MCTP1: variants seen among roughly 807,000 people sequenced by gnomAD.
The protein encoded by MCTP1 is multiple C2 and transmembrane domain-containing protein 1.
MCTP1 carries 69 observed loss-of-function variants against 120.6 expected under a neutral mutation model. The observed-to-expected ratio is 0.57, with a 90% CI of 0.47 to 0.70. The LOEUF is 0.70. Among genes scored for constraint, MCTP1 ranks in the 30% least tolerant of loss-of-function variants. MCTP1 has a pLI of 0.00. For missense variants in MCTP1, 1,203 were observed against 1,248.8 expected, an observed-to-expected ratio of 0.96 and a Z score of 0.55; for synonymous variants, 529 against 493.1, an observed-to-expected ratio of 1.07 and a Z score of -0.96.
intron 1 of MCTP1, among the ~76,000 whole-genome samples, chr5:95,165,390 C>T (rs73779237): frequency 2.1e-3 from 317 of 152,144 alleles, no homozygotes; most frequent in African/African-American, 7.2e-3. Context: ...ATATTTAGTA[C>T]GCAGTAGAAA....
intron 1 of MCTP1, among the ~76,000 whole-genome samples, chr5:95,020,025 C>G (rs1562027828): frequency 6.6e-6 from 1 of 151,954 alleles, no homozygotes; most frequent in Non-Finnish European, 1.5e-5. Context: ...TCCAAATAAA[C>G]AAATCTATTC....
chr5:95,262,362 A>G (rs1220590456), intron 1 of MCTP1, among the ~76,000 whole-genome samples: 1 of 152,230 alleles, frequency 6.6e-6, no homozygotes, highest in African/African-American at 2.4e-5. Flanking sequence ...CTCCAAGCAC[A>G]GTAACTCCCA....
At chr5:94,743,631 A>ATTTTTTTTTTTTTTTTTTTTTTTT (rs34620641) in intron 19 of MCTP1, among the ~76,000 whole-genome samples, 1 of 86,664 alleles carries the variant, frequency 1.2e-5, no homozygotes, top group African/African-American at 4.9e-5. Context: ...CAAAATCCAC[A>ATTTTTTTTTTTTTTTTTTTTTTTT]TTTTTTTTTT....
At chr5:94,724,181 C>T (rs548463430) in intron 19 of MCTP1, among the ~76,000 whole-genome samples, 1 of 152,260 alleles carries the variant, frequency 6.6e-6, no homozygotes, top group East Asian at 1.9e-4. Flanking sequence ...TTACAGCAAG[C>T]ATCCAGCAAT....
chr5:94,733,494 G>A (rs1184414951), intron 19 of MCTP1, among the ~76,000 whole-genome samples: 2 of 152,178 alleles, frequency 1.3e-5, no homozygotes, highest in Non-Finnish European at 1.5e-5. Flanking sequence ...TGTTAGGATG[G>A]TCACAAGTAA....
chr5:95,121,488 A>C (rs980375364), intron 1 of MCTP1, among the ~76,000 whole-genome samples: 40 of 152,036 alleles, frequency 2.6e-4, no homozygotes, highest in Non-Finnish European at 1.5e-5. Context: ...ACAGAATGCA[A>C]GAAAGAAAAG....
At chr5:95,123,238 A>G (rs917667354) in intron 1 of MCTP1, among the ~76,000 whole-genome samples, 8 of 152,296 alleles carry the variant, frequency 5.3e-5, no homozygotes, top group Admixed American at 1.3e-4. Flanking sequence ...ACCCATAAAT[A>G]TGTATATCTA....
In MCTP1 at chr5:94,764,508, C is replaced by T. The variant is rs928373632; in HGVS notation, c.2610+14602G>A. ...AAGAAACTCATTTCACCTATAAAGA[C>T]ATATAGACTGAAAGTGAAGGGATGA... is the stretch of plus-strand genomic sequence containing the variant. On this transcript the variant is annotated intron_variant, in intron 19 of 22. Transcript: ENST00000515393. Among the ~76,000 whole-genome samples the T allele has an allele frequency of 2.6e-5, 4 of 152,096 alleles. No individual in the cohort carries two copies. In the East Asian group the frequency reaches 7.7e-4, roughly 29 times the overall value.
chr5:95,083,634 G>T (rs28454793), intron 1 of MCTP1, among the ~76,000 whole-genome samples: 44,339 of 151,888 alleles, frequency 0.29, 6,696 homozygotes, highest in East Asian at 0.4. Context: ...TAAAAGTGGT[G>T]GTCTAAAACT....
intron 1 of MCTP1, among the ~76,000 whole-genome samples, chr5:95,170,970 T>C (rs1470674323): frequency 6.6e-6 from 1 of 152,188 alleles, no homozygotes; most frequent in Non-Finnish European, 1.5e-5. Flanking sequence ...TAGCTGGTTA[T>C]TCTGCTCTTT....
At chr5:95,188,318 C>T (rs771681086) in intron 1 of MCTP1, among the ~76,000 whole-genome samples, 1 of 152,142 alleles carries the variant, frequency 6.6e-6, no homozygotes, top group African/African-American at 2.4e-5. Flanking sequence ...AAATGTAAAA[C>T]GGTACCGTTA....
intron 18 of MCTP1, among the ~76,000 whole-genome samples, chr5:94,785,104 T>G (rs954104996): frequency 1.3e-5 from 2 of 152,144 alleles, no homozygotes; most frequent in African/African-American, 4.8e-5. Context: ...CCAAAAAGTA[T>G]GTTACCTTTT....
intron 1 of MCTP1, among the ~76,000 whole-genome samples, chr5:95,261,223 T>C (rs1194170385): frequency 6.6e-6 from 1 of 152,220 alleles, no homozygotes; most frequent in African/African-American, 2.4e-5. Context: ...TTTGAGACCT[T>C]GTACTCTGAT....
chr5:94,917,708 T>C (rs769138584), intron 8 of MCTP1, among the ~76,000 whole-genome samples, 188 bp downstream of exon 8: 3 of 152,184 alleles, frequency 2.0e-5, no homozygotes, highest in Non-Finnish European at 4.4e-5. Flanking sequence ...TTAGAACAAA[T>C]GAGCTGGCAA....
At chr5:94,708,324 C>T (rs1289840114) in intron 22 of MCTP1, 188 bp downstream of exon 22, 2 of 444,246 alleles carry the variant, frequency 4.5e-6, no homozygotes, top group South Asian at 3.8e-5. Context: ...TTCTCCCATT[C>T]TCTGTAAGTG....
intron 6 of MCTP1, among the ~76,000 whole-genome samples, chr5:94,926,344 T>A (rs1193640026): frequency 6.6e-6 from 1 of 152,000 alleles, no homozygotes; most frequent in African/African-American, 2.4e-5. Flanking sequence ...AGGAACTCAA[T>A]TTCCTTTATC....
At chr5:94,721,778 A>C (rs1280922862) in intron 19 of MCTP1, among the ~76,000 whole-genome samples, 2 of 151,510 alleles carry the variant, frequency 1.3e-5, no homozygotes, top group Non-Finnish European at 2.9e-5. Flanking sequence ...TACTTTATAA[A>C]GCAGCTTGGA....
chr5:95,247,075 A>G lies in MCTP1; in HGVS notation c.720+36781T>C, dbSNP rs567598678. 2.0e-5 allele frequency among the ~76,000 whole-genome samples: 3 copies of G among 152,192 alleles called. No individual in the cohort carries two copies. In the East Asian group the frequency reaches 5.8e-4, roughly 29 times the overall value. The stretch of plus-strand genomic sequence containing the variant: ...TTATTGCCTCAATTTCAGATCTGTT[A>G]TTGGTCTATTAAGAGATTCAACTTC... On this transcript the variant is annotated intron_variant, in intron 1 of 22. Coordinates refer to ENST00000515393, the MANE Select transcript of MCTP1 (RefSeq NM_024717.7).
At chr5:94,993,933 T>C (rs1292368902) in intron 2 of MCTP1, among the ~76,000 whole-genome samples, 1 of 152,180 alleles carries the variant, frequency 6.6e-6, no homozygotes, top group Non-Finnish European at 1.5e-5. Context: ...AACGGTTTTT[T>C]CCCCACAATT....
Sources: gnomAD v4.1 joint callset for allele counts (sites outside exome capture counted in the v4.1 genomes callset) on GRCh38, gnomAD v4.1.1 for gene constraint, MANE v1.5 for transcripts, NCBI Gene and HGNC (gene_info 2026-07-23, HGNC 2026-07-21) for gene names.